Variants in CYFIP2 observed in about 807,000 individuals in gnomAD.
The protein encoded by CYFIP2 is cytoplasmic FMR1-interacting protein 2.
In CYFIP2, 29 loss-of-function variants were observed where a neutral mutation model predicts 158.7. The ratio of observed to expected loss-of-function variants is 0.18; its 90% CI spans 0.14 to 0.25. The LOEUF (loss-of-function observed/expected upper bound fraction) is 0.25, where lower values mean the gene tolerates loss of function less well. Among genes scored for constraint, CYFIP2 ranks in the 10% least tolerant of loss-of-function variants. The probability of loss-of-function intolerance (pLI) is 1.00; values close to 1 mark genes in which losing one functional copy is unlikely to be tolerated. For missense variants in CYFIP2, 852 were observed against 1,639.5 expected (o/e 0.52, Z 8.29); for synonymous variants, 585 against 617.6 (o/e 0.95, Z 0.78).
chr5:157,383,439 G>A (rs1160003663), intron 28 of CYFIP2, 80 bp downstream of exon 28: 2 of 1,320,446 alleles, frequency 1.5e-6, no homozygotes, highest in Non-Finnish European at 2.1e-6. Context: ...TCATTGTACA[G>A]GTCAGGAAAC....
At chr5:157,357,787 C>CT (rs1763512590) in intron 23 of CYFIP2, among the ~76,000 whole-genome samples, 1 of 152,046 alleles carries the variant, frequency 6.6e-6, no homozygotes, top group Non-Finnish European at 1.5e-5. Flanking sequence ...CGAGATCGCA[C>CT]CCCTGCACTC....
At chr5:157,338,451 C>T (rs1762012037) in intron 21 of CYFIP2, among the ~76,000 whole-genome samples, 1 of 152,190 alleles carries the variant, frequency 6.6e-6, no homozygotes, top group Non-Finnish European at 1.5e-5. Flanking sequence ...ACTTGGGAGC[C>T]CAGTTTCCTG....
intron 23 of CYFIP2, 27 bp downstream of exon 23, chr5:157,341,184 A>G (rs778204234): frequency 1.9e-6 from 3 of 1,600,948 alleles, no homozygotes; most frequent in Admixed American, 3.3e-5. Context: ...TACCCTGCCT[A>G]GAAGAGGGTT....
At position 157,294,876 on chromosome 5, in the gene CYFIP2, T is replaced by C. The variant is rs112788174; in HGVS notation, c.285+16T>C. 17 of 1,609,116 alleles carry C rather than the reference T, an allele frequency of 1.1e-5. No individual in the cohort carries two copies. The African/African-American group carries it at 1.1e-4, about 10-fold the overall frequency. On this transcript the variant is annotated intron_variant, in intron 4 of 30. Transcript: ENST00000620254. ...CATTCCCCAGGTGAGACTGTCCTTG[T>C]TGTGTGTCTCTTTCCCCTCCAGAGG...
At chr5:157,353,959 C>T (rs1024568194) in intron 23 of CYFIP2, among the ~76,000 whole-genome samples, 5 of 152,092 alleles carry the variant, frequency 3.3e-5, no homozygotes, top group African/African-American at 7.2e-5. Context: ...CCTATCTCAA[C>T]GGATAGATGA....
In CYFIP2 at chr5:157,389,348, T is replaced by C. The variant is rs779892555; in HGVS notation, c.3367T>C (p.Cys1123Arg). Residue 1123 changes from cysteine (C) to arginine (R), a missense_variant, in exon 29 of 31, where the codon TGT becomes CGT. By Grantham distance (180) the Cys-to-Arg change is radical. Coordinates refer to ENST00000620254, the MANE Select transcript of CYFIP2 (RefSeq NM_001037333.3). ...PTNGVMHVDE[C>R]VEFHRLWSAM... ...CAATGGCGTCATGCACGTCGATGAG[T>C]GTGTGGAGTTCCACCGGCTGTGGAG... 2 of 1,613,782 alleles carry C rather than the reference T, an allele frequency of 1.2e-6. No individual in the cohort carries two copies. Among genetic ancestry groups the C allele is most frequent in the Non-Finnish European group, 1.7e-6 (2 of 1,179,784 alleles).
At chr5:157,300,546 A>AC (rs1758661722) in intron 5 of CYFIP2, among the ~76,000 whole-genome samples, 169 bp from the exon 6 acceptor site, 1 of 151,852 alleles carries the variant, frequency 6.6e-6, no homozygotes, top group Admixed American at 6.6e-5. Flanking sequence ...AAAAAAAAAA[A>AC]AAAGAAAAAA....
At chr5:157,367,944 G>C (rs1355022537) in intron 26 of CYFIP2, among the ~76,000 whole-genome samples, 2 of 152,018 alleles carry the variant, frequency 1.3e-5, no homozygotes, top group African/African-American at 2.4e-5. Context: ...TAGTAGAAGA[G>C]ATGAGGTTTC....
At chr5:157,296,323 G>A (rs1200322222) in intron 4 of CYFIP2, among the ~76,000 whole-genome samples, 1 of 152,210 alleles carries the variant, frequency 6.6e-6, no homozygotes, top group African/African-American at 2.4e-5. Flanking sequence ...GCCGTGCATG[G>A]TGGCTCATGC....
chr5:157,296,853 G>C (rs958961034), intron 5 of CYFIP2, 79 bp downstream of exon 5: 38 of 1,159,992 alleles, frequency 3.3e-5, no homozygotes, highest in Admixed American at 6.4e-5. Context: ...CTGCAGTTTT[G>C]TGCCATGTTA....
intron 1 of CYFIP2, among the ~76,000 whole-genome samples, chr5:157,284,441 A>C (rs1484111638): frequency 2.0e-5 from 3 of 152,246 alleles, no homozygotes; most frequent in Non-Finnish European, 4.4e-5. Context: ...ATATTTAATA[A>C]TAAGTGAATG....
intron 28 of CYFIP2, among the ~76,000 whole-genome samples, chr5:157,388,787 G>A (rs1766958874): frequency 6.6e-6 from 1 of 152,156 alleles, no homozygotes; most frequent in African/African-American, 2.4e-5. Context: ...GGATGGAATG[G>A]ACTCAATACC....
chr5:157,385,858 T>A (rs967684763), intron 28 of CYFIP2, among the ~76,000 whole-genome samples: 2 of 151,742 alleles, frequency 1.3e-5, no homozygotes, highest in Non-Finnish European at 2.9e-5. Context: ...GTTTTCTCTA[T>A]CCCCTTGTTA....
At chr5:157,367,276 A>G (rs1220606362) in intron 26 of CYFIP2, among the ~76,000 whole-genome samples, 1 of 152,198 alleles carries the variant, frequency 6.6e-6, no homozygotes. Context: ...AGGATGTTGA[A>G]CAGCATTTCT....
In CYFIP2 at chr5:157,365,972, C is replaced by T. The variant is rs112667630; in HGVS notation, c.3039+4374C>T. Among the ~76,000 whole-genome samples the T allele has an allele frequency of 2.3e-3, 348 of 151,962 alleles. 1 individual carries two copies. The highest frequency in any genetic ancestry group is 7.7e-3 in the African/African-American group (320 of 41,426). ...TATGAATAATGATGTCATGAATATT[C>T]TTGTACATGTGTTTTGGTGTATAGA... On this transcript the variant is annotated intron_variant, in intron 26 of 30. Coordinates refer to ENST00000620254, the MANE Select transcript of CYFIP2 (RefSeq NM_001037333.3).
chr5:157,286,578 ATT>A (rs34374614), intron 2 of CYFIP2, among the ~76,000 whole-genome samples: 4 of 141,042 alleles, frequency 2.8e-5, no homozygotes, highest in African/African-American at 1.0e-4. Flanking sequence ...ATATATATAT[ATT>A]TAGCCTTTCA....
chr5:157,370,601 G>A (rs1177656963), intron 26 of CYFIP2, among the ~76,000 whole-genome samples: 1 of 152,206 alleles, frequency 6.6e-6, no homozygotes, highest in African/African-American at 2.4e-5. Flanking sequence ...CATTAAGGTT[G>A]TCAGAAAGAT....
At chr5:157,360,406 A>G (rs375807584) in intron 25 of CYFIP2, 34 bp downstream of exon 25, 31 of 1,539,032 alleles carry the variant, frequency 2.0e-5, no homozygotes, top group African/African-American at 4.1e-5. Flanking sequence ...GACCCCTCCC[A>G]TGGTGGGGAG....
In CYFIP2 at chr5:157,311,403, A is replaced by T; in HGVS notation, c.993-261A>T. 1.9e-6 allele frequency: 1 copy of T among 514,720 alleles called. No individual in the cohort carries two copies. Among genetic ancestry groups the T allele is most frequent in the Non-Finnish European group, 3.5e-6 (1 of 283,524 alleles). 31.9% of individuals were successfully genotyped at this position (514,720 alleles called of 1,614,324 possible). ...CCCTCTCATATTACTGGTAAGTATT[A>T]TGGACCAGGTATCTGGAAAGGCCTA... On this transcript the variant is annotated intron_variant, in intron 10 of 30. Coordinates refer to ENST00000620254, the MANE Select transcript of CYFIP2 (RefSeq NM_001037333.3). This position sits in a 1 kb window ranked among gnomAD's most constrained non-coding sequence, Gnocchi z 4.7.
Sources: allele counts gnomAD v4.1 joint callset (sites outside exome capture counted in the v4.1 genomes callset), GRCh38; gene constraint gnomAD v4.1.1; non-coding constraint Gnocchi (gnomAD v3.1); transcripts MANE v1.5; gene names NCBI Gene and HGNC (gene_info 2026-07-23, HGNC 2026-07-21).